Variants in SAMMSON observed in about 807,000 individuals in gnomAD.
The protein encoded by SAMMSON is long intergenic non-protein coding RNA 1212.
At chr3:70,111,403 C>T (rs751482537) in intron 4 of SAMMSON, among the ~76,000 whole-genome samples, 4 of 152,140 alleles carry the variant, frequency 2.6e-5, no homozygotes, top group Non-Finnish European at 5.9e-5. Context: ...AGACAAAAGA[C>T]TGAATTCTTA....
intron 3 of SAMMSON, chr3:70,065,386 T>A (rs1576112902): frequency 6.6e-6 from 1 of 152,182 alleles, no homozygotes; most frequent in East Asian, 1.9e-4. Flanking sequence ...CTGCGTGCAG[T>A]GACGAGGATG....
intron 3 of SAMMSON, among the ~76,000 whole-genome samples, chr3:70,016,293 T>G (rs2066984971): frequency 6.6e-6 from 1 of 152,186 alleles, no homozygotes; most frequent in Admixed American, 6.5e-5. Context: ...GTGGTTTTGA[T>G]TTGCATTTCT....
At chr3:70,347,997 C>G (rs1047772424) in intron 7 of SAMMSON, among the ~76,000 whole-genome samples, 2 of 152,022 alleles carry the variant, frequency 1.3e-5, no homozygotes, top group South Asian at 2.1e-4. Context: ...GAGACCAGAT[C>G]GCGCCACTAC....
intron 4 of SAMMSON, among the ~76,000 whole-genome samples, chr3:70,167,023 C>T (rs992329979): frequency 2.6e-5 from 4 of 152,042 alleles, no homozygotes; most frequent in Admixed American, 6.6e-5. Flanking sequence ...ATAGTAGTTA[C>T]AATAAAATGC....
chr3:70,418,968 TC>T (rs1701287672), intron 2 of SAMMSON, among the ~76,000 whole-genome samples: 2 of 59,384 alleles, frequency 3.4e-5, no homozygotes, highest in Admixed American at 1.8e-4. Context: ...TCCTTTCCTT[TC>T]CTTCCTTCCT....
At chr3:70,212,554 A>T (rs1242939618) in intron 4 of SAMMSON, among the ~76,000 whole-genome samples, 1 of 151,890 alleles carries the variant, frequency 6.6e-6, no homozygotes, top group Non-Finnish European at 1.5e-5. Context: ...TTTCATTTCC[A>T]TTACTGCCAC....
chr3:70,003,297 T>C (rs1253958451), intron 1 of SAMMSON, among the ~76,000 whole-genome samples: 9 of 152,056 alleles, frequency 5.9e-5, no homozygotes, highest in Non-Finnish European at 1.2e-4. Flanking sequence ...GGATAGTCTT[T>C]GTCATTTAAA....
intron 4 of SAMMSON, among the ~76,000 whole-genome samples, chr3:70,099,797 T>G (rs937922800): frequency 1.3e-5 from 2 of 152,180 alleles, no homozygotes; most frequent in African/African-American, 4.8e-5. Context: ...GCTCTTTGGC[T>G]GGTTAACATT....
At chr3:70,068,611 A>G (rs1234331243) in intron 3 of SAMMSON, 3 of 152,096 alleles carry the variant, frequency 2.0e-5, no homozygotes, top group Non-Finnish European at 4.4e-5. Flanking sequence ...CTTTCTAACA[A>G]CCCACACAGA....
intron 4 of SAMMSON, among the ~76,000 whole-genome samples, chr3:70,121,783 A>T (rs368128093): frequency 9.2e-5 from 14 of 152,272 alleles, no homozygotes; most frequent in African/African-American, 2.6e-4. Flanking sequence ...CAGGGCAGGG[A>T]CAAAGACTGG....
chr3:70,277,367 C>G (rs1016112563), intron 6 of SAMMSON, among the ~76,000 whole-genome samples: 3 of 151,992 alleles, frequency 2.0e-5, no homozygotes, highest in Non-Finnish European at 2.9e-5. Flanking sequence ...ACTTTTTTCC[C>G]CCAGCACTGG....
At chr3:70,124,814 C>CAAAAAAA (rs1208323683) in intron 4 of SAMMSON, among the ~76,000 whole-genome samples, 186 of 53,666 alleles carry the variant, frequency 3.5e-3, no homozygotes, top group African/African-American at 4.8e-3. Flanking sequence ...GACTCCATCT[C>CAAAAAAA]AAAAAAAAAA....
At chr3:70,310,838 A>T (rs1575622824) in intron 7 of SAMMSON, among the ~76,000 whole-genome samples, 2 of 152,136 alleles carry the variant, frequency 1.3e-5, no homozygotes, top group Non-Finnish European at 2.9e-5. Context: ...GAACATGATG[A>T]GGTGGTGGTT....
chr3:70,392,356 C>T (rs997044328), downstream of SAMMSON, among the ~76,000 whole-genome samples: 2 of 152,120 alleles, frequency 1.3e-5, no homozygotes, highest in African/African-American at 4.8e-5. Context: ...TGACCAGGAT[C>T]ACATAGGAAG....
intron 4 of SAMMSON, among the ~76,000 whole-genome samples, chr3:70,176,919 A>G (rs1701013549): frequency 6.6e-6 from 1 of 152,222 alleles, no homozygotes; most frequent in African/African-American, 2.4e-5. Flanking sequence ...CAAAGTCTGA[A>G]GGGTGCGAGT....
chr3:70,412,928 C>T (rs1701231185), intron 2 of SAMMSON, among the ~76,000 whole-genome samples: 1 of 152,108 alleles, frequency 6.6e-6, no homozygotes, highest in Admixed American at 6.6e-5. Context: ...AAAAATGATG[C>T]CTAGCAAGCA....
At chr3:70,124,836 A>AAAAAAAC (rs1559519155) in intron 4 of SAMMSON, among the ~76,000 whole-genome samples, 4 of 148,998 alleles carry the variant, frequency 2.7e-5, no homozygotes, top group African/African-American at 1.0e-4. Flanking sequence ...AAAAAAAAAA[A>AAAAAAAC]AAAGAAAGAA....
chr3:70,258,268 G>C (rs1701835443), intron 6 of SAMMSON, among the ~76,000 whole-genome samples: 1 of 152,036 alleles, frequency 6.6e-6, no homozygotes, highest in South Asian at 2.1e-4. Flanking sequence ...AAAAGCATGA[G>C]CCATAAAACT....
At chr3:70,316,811 T>C (rs903572163) in intron 7 of SAMMSON, among the ~76,000 whole-genome samples, 2 of 152,090 alleles carry the variant, frequency 1.3e-5, no homozygotes, top group African/African-American at 4.8e-5. Context: ...AATTTAGGTA[T>C]GAAAAATAAC....
Sources: allele counts gnomAD v4.1 joint callset (sites outside exome capture counted in the v4.1 genomes callset), GRCh38; gene constraint gnomAD v4.1.1; transcripts MANE v1.5; gene names NCBI Gene and HGNC (gene_info 2026-07-23, HGNC 2026-07-21).